CAPZA2: variants seen among roughly 807,000 people sequenced by gnomAD.
The protein encoded by CAPZA2 is capping actin protein of muscle Z-line subunit alpha 2.
A neutral mutation model predicts 44.0 loss-of-function variants in CAPZA2; 13 were observed. That is an observed-to-expected ratio of 0.30 (90% CI 0.19 to 0.47). The LOEUF (loss-of-function observed/expected upper bound fraction) is 0.47. Ranked by LOEUF, CAPZA2 falls within the 20% of genes least tolerant of loss-of-function variation. The pLI is 1.00. For synonymous variants in CAPZA2, 94 were observed against 108.2 expected, an observed-to-expected ratio of 0.87 and a Z score of 0.81; for missense variants, 244 against 338.6, an observed-to-expected ratio of 0.72 and a Z score of 2.19.
intron 1 of CAPZA2, among the ~76,000 whole-genome samples, chr7:116,881,012 A>G (rs1180045373): frequency 6.6e-6 from 1 of 151,880 alleles, no homozygotes; most frequent in Non-Finnish European, 1.5e-5. Context: ...GTGACCATGG[A>G]AAGTCTTTAA....
intron 6 of CAPZA2, 101 bp from the exon 7 acceptor site, chr7:116,910,132 C>A (rs2115972755): frequency 2.7e-6 from 2 of 734,618 alleles, no homozygotes; most frequent in Middle Eastern, 2.5e-4. Context: ...TATTCATCCC[C>A]CACACTCTCT....
chr7:116,873,216 T>C (rs1796573246), intron 1 of CAPZA2, among the ~76,000 whole-genome samples: 1 of 152,194 alleles, frequency 6.6e-6, no homozygotes, highest in Non-Finnish European at 1.5e-5. Context: ...TTTCCCATAG[T>C]AGTGTACCTT....
At chr7:116,899,520 G>A (rs532651028) in intron 4 of CAPZA2, among the ~76,000 whole-genome samples, 5 of 151,824 alleles carry the variant, frequency 3.3e-5, no homozygotes, top group African/African-American at 1.2e-4. Flanking sequence ...CGGGGGACAA[G>A]CAAAGACTAG....
At chr7:116,914,473 A>G (rs541359553) in intron 8 of CAPZA2, among the ~76,000 whole-genome samples, 1 of 148,456 alleles carries the variant, frequency 6.7e-6, no homozygotes, top group East Asian at 2.0e-4. Flanking sequence ...ACACACACGT[A>G]TTTTTTTGAG....
chr7:116,894,950 A>G (rs1054075462), intron 3 of CAPZA2, among the ~76,000 whole-genome samples: 1 of 152,200 alleles, frequency 6.6e-6, no homozygotes, highest in Admixed American at 6.5e-5. Context: ...AAAGTGCTTC[A>G]TAGGAATCAG....
chr7:116,892,251 A>C (rs1796855354), intron 2 of CAPZA2, among the ~76,000 whole-genome samples: 1 of 152,208 alleles, frequency 6.6e-6, no homozygotes, highest in South Asian at 2.1e-4. Flanking sequence ...CTAATGAAAA[A>C]TTAGAATACA....
rs561312282 is a variant in CAPZA2 at position 116,898,423 on chromosome 7, G to T, written c.156-349G>T. Reference sequence around the variant, plus strand: ...CTAAGTATTCTTTGCATCTCTTACAGCACCTAGTCTGTTTCCTGGTATACT... The same window carrying T: ...CTAAGTATTCTTTGCATCTCTTACATCACCTAGTCTGTTTCCTGGTATACT... On this transcript the variant is annotated intron_variant, in intron 3 of 9. Coordinates refer to ENST00000361183, the MANE Select transcript of CAPZA2 (RefSeq NM_006136.3). 6.7e-4 allele frequency among the ~76,000 whole-genome samples: 102 copies of T among 152,070 alleles called. 2 individuals are homozygous for T. The South Asian group carries it at 0.02, about 30-fold the overall frequency.
chr7:116,865,161 CATT>C (rs1165130022), intron 1 of CAPZA2, among the ~76,000 whole-genome samples: 1 of 139,386 alleles, frequency 7.2e-6, no homozygotes, highest in South Asian at 2.4e-4. Context: ...GTTCTTGTGA[CATT>C]ATGCGCTCTC....
chr7:116,909,395 TCC>T (rs1190154701), intron 6 of CAPZA2, among the ~76,000 whole-genome samples: 3 of 152,080 alleles, frequency 2.0e-5, no homozygotes, highest in Admixed American at 6.5e-5. Context: ...AAACTACTCA[TCC>T]AGAATTTTGT....
Position 116,918,777 on chromosome 7 carries a change from A to C in CAPZA2, c.*910A>C, listed in dbSNP as rs1791720707. On this transcript the variant is annotated 3_prime_UTR_variant, in exon 10 of 10. Coordinates refer to ENST00000361183, the MANE Select transcript of CAPZA2 (RefSeq NM_006136.3). Reference sequence around the variant, plus strand: ...CTTACCAGTGAGCATATATATTTTAAAATACTTTCTTTGGATATTGTAATT... The same window carrying C: ...CTTACCAGTGAGCATATATATTTTACAATACTTTCTTTGGATATTGTAATT... 1 of 152,164 alleles carries C rather than the reference A, an allele frequency of 6.6e-6. No individual in the cohort carries two copies. The allele number at this position is 152,164 out of a possible 1,614,324, so 9.4% of individuals were successfully genotyped here. A position where few individuals can be genotyped will look rare whatever the true frequency, so the allele number is the denominator to read the frequency against.
At position 116,904,368 on chromosome 7, in the gene CAPZA2, G is replaced by T; in HGVS notation, c.411G>T (p.Pro137=). The T allele has an allele frequency of 3.7e-6, 6 of 1,610,416 alleles. No homozygotes were observed. Among genetic ancestry groups the T allele is most frequent in the Non-Finnish European group, 5.1e-6 (6 of 1,176,710 alleles). The change falls in exon 5 of 10, where the codon CCG becomes CCT. Residue 137 remains proline (P), a synonymous_variant. Transcript: ENST00000361183. ...ALRAYVKEHY[P]NGVCTVYGKK... ...GAGCTTACGTAAAAGAACATTACCC[G>T]AATGGAGTCTGCACTGTAAGTCATC...
intron 3 of CAPZA2, among the ~76,000 whole-genome samples, chr7:116,897,577 A>C (rs1465385418): frequency 6.6e-6 from 1 of 152,164 alleles, no homozygotes; most frequent in South Asian, 2.1e-4. Flanking sequence ...ATAATCTGGA[A>C]GTTTCCAAGT....
chr7:116,892,313 G>A (rs1585008494), intron 2 of CAPZA2, among the ~76,000 whole-genome samples: 1 of 152,156 alleles, frequency 6.6e-6, no homozygotes, highest in East Asian at 1.9e-4. Context: ...AGGTGCTTAG[G>A]AAAAATAATG....
intron 1 of CAPZA2, among the ~76,000 whole-genome samples, chr7:116,865,101 A>G (rs1796466082): frequency 1.3e-5 from 2 of 150,742 alleles, no homozygotes; most frequent in Non-Finnish European, 3.0e-5. Flanking sequence ...TCACCCAAGG[A>G]CGGTCAAGAT....
At chr7:116,906,198 A>AT (rs1791504267) in intron 5 of CAPZA2, 65 bp from the exon 6 acceptor site, 1 of 1,573,064 alleles carries the variant, frequency 6.4e-7, no homozygotes, top group Admixed American at 2.1e-5. Flanking sequence ...TATTTTATAG[A>AT]TTTTTAAAGT....
intron 4 of CAPZA2, among the ~76,000 whole-genome samples, chr7:116,903,219 C>T (rs894224491): frequency 6.8e-6 from 1 of 146,714 alleles, no homozygotes; most frequent in Non-Finnish European, 1.5e-5. Flanking sequence ...TGAAAGAAGC[C>T]AGATGCAGAG....
At chr7:116,883,819 G>A (rs1281032310) in intron 1 of CAPZA2, among the ~76,000 whole-genome samples, 1 of 152,146 alleles carries the variant, frequency 6.6e-6, no homozygotes, top group Non-Finnish European at 1.5e-5. Context: ...AATTTTTAAA[G>A]CTCAACTAGT....
chr7:116,896,071 CT>C (rs1796922243), intron 3 of CAPZA2, among the ~76,000 whole-genome samples: 1 of 152,116 alleles, frequency 6.6e-6, no homozygotes, highest in Non-Finnish European at 1.5e-5. Flanking sequence ...TTCACTTGCA[CT>C]TTTTGATGTT....
At chr7:116,863,825 G>A (rs942085376) in intron 1 of CAPZA2, among the ~76,000 whole-genome samples, 4 of 151,944 alleles carry the variant, frequency 2.6e-5, no homozygotes, top group African/African-American at 4.8e-5. Flanking sequence ...TAAGTCTGAG[G>A]ATATTTTCAT....
Sources: allele counts gnomAD v4.1 joint callset (sites outside exome capture counted in the v4.1 genomes callset), GRCh38; gene constraint gnomAD v4.1.1; transcripts MANE v1.5; gene names NCBI Gene and HGNC (gene_info 2026-07-23, HGNC 2026-07-21).